CAD: variants seen among roughly 807,000 people sequenced by gnomAD.
CAD encodes the protein multifunctional protein CAD.
CAD carries 81 observed loss-of-function variants against 237.2 expected under a neutral mutation model. The ratio of observed to expected loss-of-function variants is 0.34; its 90% CI spans 0.29 to 0.41. The LOEUF is 0.41. Ranked by LOEUF, CAD falls within the 10% of genes least tolerant of loss-of-function variation. The probability of loss-of-function intolerance (pLI) is 1.00; values close to 1 mark genes in which losing one functional copy is unlikely to be tolerated. For missense variants in CAD, 2,181 were observed against 2,951.7 expected (o/e 0.74, Z 6.05); for synonymous variants, 1,196 against 1,162.8 (o/e 1.03, Z -0.58).
intron 8 of CAD, 82 bp from the exon 9 acceptor site, chr2:27,224,263 T>A: frequency 1.3e-6 from 2 of 1,505,568 alleles, no homozygotes; most frequent in Non-Finnish European, 1.8e-6. Context: ...TCTGGACTCT[T>A]CTGAAAGCGA....
chr2:27,234,487 C>T (rs1175505700), intron 22 of CAD, 31 bp from the exon 23 acceptor site: 1 of 1,606,828 alleles, frequency 6.2e-7, no homozygotes, highest in African/African-American at 1.3e-5. Flanking sequence ...GGCCAACCTG[C>T]AGAAGGCCTG....
intron 6 of CAD, 45 bp from the exon 7 acceptor site, chr2:27,223,516 AAG>A: frequency 6.4e-7 from 1 of 1,571,340 alleles, no homozygotes; most frequent in Non-Finnish European, 8.7e-7. Context: ...TTCAGTAGTG[AAG>A]AGAGGGTGAG....
At position 27,238,626 on chromosome 2, in the gene CAD, G is replaced by T; in HGVS notation, c.5056G>T (p.Asp1686Tyr). ...NMAVIDCFAS[D>Y]HAPHTLEEKC... ...GGCTGTCATCGACTGCTTTGCCTCA[G>T]ACCATGGTGAGAGAATCCAGCATGT... The change falls in exon 31 of 44, where the codon GAC (aspartate) becomes TAC (tyrosine). Residue 1686 changes from aspartate to tyrosine, a missense_variant. Asp to Tyr is a radical substitution (Grantham distance 160). Coordinates refer to ENST00000264705, the MANE Select transcript of CAD (RefSeq NM_004341.5). The T allele has an allele frequency of 6.2e-7, 1 of 1,609,058 alleles. No homozygotes were observed. Among genetic ancestry groups the T allele is most frequent in the Non-Finnish European group, 8.5e-7 (1 of 1,177,626 alleles).
chr2:27,232,036 T>G lies in CAD; in HGVS notation c.2457T>G (p.Ala819=), dbSNP rs1354262774. The part of the protein sequence containing the change: ...RIFVVAAALW[A]GYSVDRLYEL... ...TTGTGGTGGCAGCTGCTTTGTGGGC[T>G]GGTTATTCAGTGGACCGCCTGTATG... Residue 819 remains alanine, a synonymous_variant, in exon 17 of 44, where the codon GCT becomes GCG. Coordinates refer to ENST00000264705, the MANE Select transcript of CAD (RefSeq NM_004341.5). This position sits in a 1 kb window ranked among gnomAD's most constrained non-coding sequence, Gnocchi z 4.1. 6 of 1,614,112 alleles carry G rather than the reference T, an allele frequency of 3.7e-6. No individual in the cohort carries two copies. Among genetic ancestry groups the G allele is most frequent in the Non-Finnish European group, 5.1e-6 (6 of 1,180,044 alleles).
rs1368472562 is a variant in CAD, at chr2:27,234,425, C to T, written c.3619-93C>T. 4.5e-6 allele frequency: 6 copies of T among 1,331,940 alleles called. No homozygotes were observed. The African/African-American group carries it at 7.2e-5, about 16-fold the overall frequency. The allele number at this position is 1,331,940 out of a possible 1,614,324, so 82.5% of individuals were successfully genotyped here. Reference sequence around the variant, plus strand: ...CCTGAACCCTGCTCAGTCTGATCCCCCAGAGCTGAGGACGGAGAGGAAGAG... The same window carrying T: ...CCTGAACCCTGCTCAGTCTGATCCCTCAGAGCTGAGGACGGAGAGGAAGAG... On this transcript the variant is annotated intron_variant, in intron 22 of 43. Transcript: ENST00000264705.
Position 27,237,939 on chromosome 2 carries a change from C to A in CAD, c.4728+57C>A. The A allele has an allele frequency of 6.3e-7, 1 of 1,575,174 alleles. No individual in the cohort carries two copies. Reference sequence around the variant, plus strand: ...ACCCAGTGTCTCCTGGCTTGTGGGCCCCTGCCTAAGTGGGCTGGTAGCAGT... The same window carrying A: ...ACCCAGTGTCTCCTGGCTTGTGGGCACCTGCCTAAGTGGGCTGGTAGCAGT... On this transcript the variant is annotated intron_variant, in intron 29 of 43. Coordinates refer to ENST00000264705, the MANE Select transcript of CAD (RefSeq NM_004341.5). This position sits in a 1 kb window ranked among gnomAD's most constrained non-coding sequence, Gnocchi z 4.0.
At position 27,232,672 on chromosome 2, in the gene CAD, G is replaced by C; in HGVS notation, c.2870G>C (p.Gly957Ala). 6.2e-7 allele frequency: 1 copy of C among 1,614,210 alleles called. No individual in the cohort carries two copies. The highest frequency in any genetic ancestry group is 1.1e-5 in the South Asian group (1 of 91,080). ...GTTGAATTTGACTGGTGTGCTGTAGGCTGCATCCAGCAGCTCCGAAAGGTC... is the reference window on the plus strand; with the variant it reads ...GTTGAATTTGACTGGTGTGCTGTAGCCTGCATCCAGCAGCTCCGAAAGGTC... ...SSVEFDWCAV[G>A]CIQQLRKMGY... Residue 957 changes from glycine to alanine, a missense_variant, in exon 18 of 44, where the codon GGC becomes GCC. Coordinates refer to ENST00000264705, the MANE Select transcript of CAD (RefSeq NM_004341.5). The surrounding 1 kb of genome is among the most constrained non-coding windows in gnomAD (Gnocchi z 4.1).
Position 27,239,636 on chromosome 2 carries a change from T to C in CAD, c.5395-61T>C. ...GGTGCTTTTTGTCCTTGCTGACATC[T>C]ACCCCTTTAGGACCTGAGTTCTCTC... On this transcript the variant is annotated intron_variant, in intron 33 of 43. Transcript: ENST00000264705. This position sits in a 1 kb window ranked among gnomAD's most constrained non-coding sequence, Gnocchi z 4.0. The C allele has an allele frequency of 1.3e-6, 2 of 1,493,204 alleles. No individual in the cohort carries two copies. Among genetic ancestry groups the C allele is most frequent in the Non-Finnish European group, 1.8e-6 (2 of 1,092,158 alleles). 92.5% of individuals were successfully genotyped at this position (1,493,204 alleles called of 1,614,324 possible).
At position 27,235,368 on chromosome 2, in the gene CAD, C is replaced by A. The variant is rs1675952815; in HGVS notation, c.3910C>A (p.Leu1304Ile). 6.2e-7 allele frequency: 1 copy of A among 1,614,008 alleles called. No individual in the cohort carries two copies. Among genetic ancestry groups the A allele is most frequent in the East Asian group, 2.2e-5 (1 of 44,884 alleles). The change falls in exon 24 of 44, where the codon CTA becomes ATA. Residue 1304 changes from leucine (L) to isoleucine (I), a missense_variant. Around this residue, in one of 12 missense-constraint regions of CAD, gnomAD observed 306 missense variants for 607.9 expected, o/e 0.50. Transcript: ENST00000264705. This position sits in a 1 kb window ranked among gnomAD's most constrained non-coding sequence, Gnocchi z 5.2. ...SRCEAYLKAM[L>I]STGFKIPKKN... The stretch of plus-strand genomic sequence containing the variant: ...CTGTGAGGCATACCTCAAGGCCATG[C>A]TAAGCACTGGCTTTAAGATCCCCAA...
intron 6 of CAD, among the ~76,000 whole-genome samples, 164 bp from the exon 7 acceptor site, chr2:27,223,399 C>A (rs1675274134): frequency 6.6e-6 from 1 of 150,738 alleles, no homozygotes; most frequent in South Asian, 2.1e-4. Context: ...CCATTGCCCT[C>A]CAGCCCGGGA....
Position 27,243,575 on chromosome 2 carries a change from G to GT in CAD, c.*58dup. The GT allele has an allele frequency of 7.5e-7, 1 of 1,341,680 alleles. No homozygotes were observed. The highest frequency in any genetic ancestry group is 1.0e-6 in the Non-Finnish European group (1 of 957,912). 83.1% of individuals were successfully genotyped at this position (1,341,680 alleles called of 1,614,324 possible). On this transcript the variant is annotated 3_prime_UTR_variant, in exon 44 of 44. Transcript: ENST00000264705. ...CCCAGCTGCTGGGCAAGGAATTCCA[G>GT]TGCCTCCTACGGGGGCAGCACACTT... is the stretch of plus-strand genomic sequence containing the variant.
intron 15 of CAD, among the ~76,000 whole-genome samples, chr2:27,228,903 T>C (rs984482525): frequency 6.6e-6 from 1 of 150,388 alleles, no homozygotes; most frequent in African/African-American, 2.4e-5. Context: ...GTCTCTTTTT[T>C]CTTTTCTTTT....
chr2:27,238,013 C>A, intron 29 of CAD, 43 bp from the exon 30 acceptor site: 2 of 1,609,190 alleles, frequency 1.2e-6, no homozygotes, highest in South Asian at 2.2e-5. Context: ...TGAGCACAGT[C>A]AGAGATTCTG....
chr2:27,223,865 C>T, intron 7 of CAD, 52 bp from the exon 8 acceptor site: 7 of 1,544,684 alleles, frequency 4.5e-6, no homozygotes, highest in Non-Finnish European at 6.3e-6. Flanking sequence ...TCGAGGCTGC[C>T]AGTGTCATGC....
chr2:27,231,463 T>C lies in CAD; in HGVS notation c.2288-5T>C. 6.4e-7 allele frequency: 1 copy of C among 1,565,538 alleles called. No individual in the cohort carries two copies. ...ACCTTCATTCCTTCCATTCTGTTCTTCCAGGTGAAGTCATGGGCATTGGGC... is the reference window on the plus strand; with the variant it reads ...ACCTTCATTCCTTCCATTCTGTTCTCCCAGGTGAAGTCATGGGCATTGGGC... On this transcript the variant is annotated splice_polypyrimidine_tract_variant and splice_region_variant and intron_variant, in intron 15 of 43. Transcript: ENST00000264705.
chr2:27,217,399 A>C lies in CAD; in HGVS notation c.-153A>C, dbSNP rs1338950370. ...CTGCTGCTGCCGCCAAGCGCGCCCG[A>C]GGCTCCTACGCTGCCGCGCCCGGCT... On this transcript the variant is annotated 5_prime_UTR_variant, in exon 1 of 44. Transcript: ENST00000264705. The C allele has an allele frequency of 2.2e-5, 15 of 682,136 alleles. 1 individual carries two copies. In the South Asian group the frequency reaches 2.5e-4, roughly 11 times the overall value. The allele number at this position is 682,136 out of a possible 1,614,324, so 42.3% of individuals were successfully genotyped here. A position where few individuals can be genotyped will look rare whatever the true frequency, so the allele number is the denominator to read the frequency against.
intron 15 of CAD, 70 bp from the exon 16 acceptor site, chr2:27,231,398 A>G: frequency 2.3e-6 from 2 of 851,434 alleles, no homozygotes; most frequent in Non-Finnish European, 2.0e-6. Flanking sequence ...AACCATAAGC[A>G]TTATGGGCAG....
chr2:27,217,406 T>A lies in CAD; in HGVS notation c.-146T>A, dbSNP rs1311370431. On this transcript the variant is annotated 5_prime_UTR_variant, in exon 1 of 44. Transcript: ENST00000264705. ...TGCCGCCAAGCGCGCCCGAGGCTCCTACGCTGCCGCGCCCGGCTTCTCTCC... is the reference window on the plus strand; with the variant it reads ...TGCCGCCAAGCGCGCCCGAGGCTCCAACGCTGCCGCGCCCGGCTTCTCTCC... 1.1e-5 allele frequency: 8 copies of A among 740,930 alleles called. No homozygotes were observed. Among genetic ancestry groups the A allele is most frequent in the Non-Finnish European group, 1.9e-5 (8 of 424,228 alleles). 45.9% of individuals were successfully genotyped at this position (740,930 alleles called of 1,614,324 possible). A position where few individuals can be genotyped will look rare whatever the true frequency, so the allele number is the denominator to read the frequency against.
In CAD at chr2:27,241,895, C is replaced by T; in HGVS notation, c.5884-16C>T. On this transcript the variant is annotated splice_polypyrimidine_tract_variant and intron_variant, in intron 38 of 43. Transcript: ENST00000264705. The surrounding 1 kb of genome is among the most constrained non-coding windows in gnomAD (Gnocchi z 4.6). ...GGACACGCATACGTACACCTTCCAT[C>T]TTGCTCTTTCCCTAGGGGAAGGTCA... 1 of 1,606,808 alleles carries T rather than the reference C, an allele frequency of 6.2e-7. No individual in the cohort carries two copies. The highest frequency in any genetic ancestry group is 1.7e-5 in the Admixed American group (1 of 59,910).
Sources: allele counts gnomAD v4.1 joint callset (sites outside exome capture counted in the v4.1 genomes callset), GRCh38; gene constraint gnomAD v4.1.1; regional missense constraint gnomAD v4.1.1; non-coding constraint Gnocchi (gnomAD v3.1); transcripts MANE v1.5; gene names NCBI Gene and HGNC (gene_info 2026-07-23, HGNC 2026-07-21).